The following CHRNB2 variants were observed in gnomAD, a reference collection of about 807,000 sequenced individuals.
The protein encoded by CHRNB2 is neuronal acetylcholine receptor subunit beta-2.
Under a neutral mutation model 42.7 loss-of-function variants are expected in CHRNB2, and 33 were observed. That is an observed-to-expected ratio of 0.77 (90% CI 0.59 to 1.03). The LOEUF is 1.03. Among genes scored for constraint, CHRNB2 ranks in the 50% least tolerant of loss-of-function variants. The pLI is 0.00. For missense variants in CHRNB2, 603 were observed against 700.9 expected (o/e 0.86, Z 1.58); for synonymous variants, 325 against 292.9 (o/e 1.11, Z -1.12).
In CHRNB2 at chr1:154,572,003, G is replaced by A. The variant is rs1557852162; in HGVS notation, c.1180G>A (p.Ala394Thr). The A allele has an allele frequency of 7.2e-6, 11 of 1,535,224 alleles. No homozygotes were observed. Among genetic ancestry groups the A allele is most frequent in the Non-Finnish European group, 8.7e-6 (10 of 1,145,558 alleles). Residue 394 changes from alanine (A) to threonine (T), a missense_variant, in exon 5 of 6, where the codon GCG becomes ACG. Physicochemically the swap from Ala to Thr is moderately conservative, Grantham distance 58. Around this residue, in one of 2 missense-constraint regions of CHRNB2, gnomAD observed 270 missense variants for 248.3 expected, o/e 1.09. Transcript: ENST00000368476. ...CTCCTGCACGTGCTTCGTCAACCGC[G>A]CGTCGGTGCAGGGGTTGGCCGGGGC... ...ADSCTCFVNR[A>T]SVQGLAGAFG...
At chr1:154,573,079 C>T (rs894738330) in intron 5 of CHRNB2, among the ~76,000 whole-genome samples, 14 of 152,136 alleles carry the variant, frequency 9.2e-5, no homozygotes. Context: ...TGAAGAAGGG[C>T]ACTGCGGTGT....
At chr1:154,569,731 G>A (rs1019339744) in intron 2 of CHRNB2, 61 bp from the exon 3 acceptor site, 64 of 1,613,016 alleles carry the variant, frequency 4.0e-5, no homozygotes, top group Non-Finnish European at 5.3e-5. Context: ...GGGACCCTGG[G>A]TGGTGGCAGT....
Position 154,568,014 on chromosome 1 carries a change from T to C in CHRNB2, c.-31T>C. Reference sequence around the variant, plus strand: ...CCCCCCGGCGGCGCGCTCCAGCCGGTGTAGGCGAGGCAGCGAGCTATGCCC... The same window carrying C: ...CCCCCCGGCGGCGCGCTCCAGCCGGCGTAGGCGAGGCAGCGAGCTATGCCC... On this transcript the variant is annotated 5_prime_UTR_variant, in exon 1 of 6. Transcript: ENST00000368476. 3 of 1,544,904 alleles carry C rather than the reference T, an allele frequency of 1.9e-6. No homozygotes were observed. Among genetic ancestry groups the C allele is most frequent in the Non-Finnish European group, 2.6e-6 (3 of 1,149,960 alleles).
chr1:154,568,183 C>A lies in CHRNB2; in HGVS notation c.64+75C>A, dbSNP rs968227414. On this transcript the variant is annotated intron_variant, in intron 1 of 5. Coordinates refer to ENST00000368476, the MANE Select transcript of CHRNB2 (RefSeq NM_000748.3). ...CCAAGACTCGCCGCCCTCTGACTCA[C>A]CCCTGCTAGGCCGGAAGGTGGAAGA... 5.3e-6 allele frequency: 8 copies of A among 1,495,702 alleles called. No individual in the cohort carries two copies. In the Middle Eastern group the frequency reaches 8.5e-4, roughly 159 times the overall value. 92.7% of individuals were successfully genotyped at this position (1,495,702 alleles called of 1,614,324 possible).
chr1:154,575,703 C>G (rs919548487), intron 5 of CHRNB2, 59 bp from the exon 6 acceptor site: 1 of 1,575,556 alleles, frequency 6.3e-7, no homozygotes, highest in African/African-American at 1.4e-5. Context: ...CCCGCTTATA[C>G]TCGTTTGTCT....
rs1196791623 is a variant in CHRNB2 at position 154,577,628 on chromosome 1, C to A, written c.*1696C>A. ...CATGAATGTTGAGTCTGACAGGCAA[C>A]TGGAGCTGGTGAGAATGGGGTCCCC... On this transcript the variant is annotated 3_prime_UTR_variant, in exon 6 of 6. Transcript: ENST00000368476. The A allele has an allele frequency of 6.6e-6, 1 of 152,402 alleles. No homozygotes were observed. Among genetic ancestry groups the A allele is most frequent in the African/African-American group, 2.4e-5 (1 of 41,458 alleles). 9.4% of individuals were successfully genotyped at this position (152,402 alleles called of 1,614,324 possible).
chr1:154,571,480 T>C lies in CHRNB2; in HGVS notation c.657T>C (p.Ser219=). 6.2e-7 allele frequency: 1 copy of C among 1,614,056 alleles called. No homozygotes were observed. The highest frequency in any genetic ancestry group is 8.5e-7 in the Non-Finnish European group (1 of 1,180,010). The change falls in exon 5 of 6, where the codon TCT becomes TCC. Residue 219 remains serine (S), a synonymous_variant. Coordinates refer to ENST00000368476, the MANE Select transcript of CHRNB2 (RefSeq NM_000748.3). The surrounding 1 kb of genome is among the most constrained non-coding windows in gnomAD (Gnocchi z 6.8). ...PGRRNENPDD[S]TYVDITYDFI... ...GGCGCAACGAGAACCCCGACGACTC[T>C]ACGTACGTGGACATCACGTATGACT...
rs1696330172 is a variant in CHRNB2, at chr1:154,578,665, G to C, written c.*2733G>C. The C allele has an allele frequency of 6.6e-6, 1 of 152,286 alleles. No homozygotes were observed. Among genetic ancestry groups the C allele is most frequent in the Non-Finnish European group, 1.5e-5 (1 of 68,082 alleles). 9.4% of individuals were successfully genotyped at this position (152,286 alleles called of 1,614,324 possible). On this transcript the variant is annotated 3_prime_UTR_variant, in exon 6 of 6. Coordinates refer to ENST00000368476, the MANE Select transcript of CHRNB2 (RefSeq NM_000748.3). Reference sequence around the variant, plus strand: ...GGTGGGAGAGTGTGAACCCTCAAGTGCACTGGGAAGCTTTGGGGAACCACA... The same window carrying C: ...GGTGGGAGAGTGTGAACCCTCAAGTCCACTGGGAAGCTTTGGGGAACCACA...
At position 154,576,323 on chromosome 1, in the gene CHRNB2, G is replaced by A; in HGVS notation, c.*391G>A. The A allele has an allele frequency of 2.9e-6, 1 of 348,806 alleles. No homozygotes were observed. Among genetic ancestry groups the A allele is most frequent in the South Asian group, 2.3e-5 (1 of 42,672 alleles). The allele number at this position is 348,806 out of a possible 1,614,324, so 21.6% of individuals were successfully genotyped here. On this transcript the variant is annotated 3_prime_UTR_variant, in exon 6 of 6. Coordinates refer to ENST00000368476, the MANE Select transcript of CHRNB2 (RefSeq NM_000748.3). ...AGAAGAGGGGTATAGGACAAGGGGT[G>A]GAAGGGCAGGAGCTCACACCGCACC...
At position 154,569,772 on chromosome 1, in the gene CHRNB2, G is replaced by C. The variant is rs768075022; in HGVS notation, c.211-20G>C. On this transcript the variant is annotated intron_variant, in intron 2 of 5. Transcript: ENST00000368476. ...CACAGGCTTAGGGGCCTTCTCGGCAGCCTCTCTTCCTCCCTGCAGCATGAG... is the reference window on the plus strand; with the variant it reads ...CACAGGCTTAGGGGCCTTCTCGGCACCCTCTCTTCCTCCCTGCAGCATGAG... The C allele has an allele frequency of 3.7e-6, 6 of 1,614,142 alleles. No homozygotes were observed. The Admixed American group carries it at 1.0e-4, about 27-fold the overall frequency.
At position 154,577,322 on chromosome 1, in the gene CHRNB2, C is replaced by T. The variant is rs1244067299; in HGVS notation, c.*1390C>T. On this transcript the variant is annotated 3_prime_UTR_variant, in exon 6 of 6. Transcript: ENST00000368476. ...CTGACCTGACACAAGCCATTTTGTC[C>T]CTAGAGCCCAGCTGGGACTCCTGCT... 3 of 152,236 alleles carry T rather than the reference C, an allele frequency of 2.0e-5. No individual in the cohort carries two copies. Among genetic ancestry groups the T allele is most frequent in the African/African-American group, 7.2e-5 (3 of 41,424 alleles). The allele number at this position is 152,236 out of a possible 1,614,324, so 9.4% of individuals were successfully genotyped here.
At position 154,571,735 on chromosome 1, in the gene CHRNB2, C is replaced by T. The variant is rs748080172; in HGVS notation, c.912C>T (p.Thr304=). The T allele has an allele frequency of 1.9e-6, 3 of 1,614,232 alleles. No individual in the cohort carries two copies. Among genetic ancestry groups the T allele is most frequent in the South Asian group, 2.2e-5 (2 of 91,092 alleles). ...VPLVGKYLMF[T]MVLVTFSIVT... is the part of the protein sequence containing the mutation. ...TCGTCGGCAAGTACCTCATGTTCAC[C>T]ATGGTGCTTGTCACCTTCTCCATCG... Residue 304 remains threonine (T), a synonymous_variant, in exon 5 of 6, where the codon ACC becomes ACT. Coordinates refer to ENST00000368476, the MANE Select transcript of CHRNB2 (RefSeq NM_000748.3). The surrounding 1 kb of genome is among the most constrained non-coding windows in gnomAD (Gnocchi z 6.8).
At chr1:154,570,022 A>T (rs1696133464) in intron 3 of CHRNB2, among the ~76,000 whole-genome samples, 186 bp downstream of exon 3, 1 of 152,190 alleles carries the variant, frequency 6.6e-6, no homozygotes, top group Non-Finnish European at 1.5e-5. Context: ...AAACTCTCCA[A>T]GATTCATTTT....
intron 1 of CHRNB2, among the ~76,000 whole-genome samples, chr1:154,568,726 G>A (rs910731257): frequency 6.6e-6 from 1 of 152,004 alleles, no homozygotes; most frequent in African/African-American, 2.4e-5. Flanking sequence ...AGAGGGGGAT[G>A]CAGTGTGCCG....
At chr1:154,575,628 G>A (rs1696256995) in intron 5 of CHRNB2, 134 bp from the exon 6 acceptor site, 1 of 963,712 alleles carries the variant, frequency 1.0e-6, no homozygotes, top group Admixed American at 1.8e-5. Flanking sequence ...TCAGAGCCAT[G>A]CTTTAACAAG....
rs1204491118 is a variant in CHRNB2 at position 154,576,248 on chromosome 1, G to A, written c.*316G>A. The A allele has an allele frequency of 4.6e-6, 2 of 432,512 alleles. No individual in the cohort carries two copies. Among genetic ancestry groups the A allele is most frequent in the African/African-American group, 2.0e-5 (1 of 49,562 alleles). The allele number at this position is 432,512 out of a possible 1,614,324, so 26.8% of individuals were successfully genotyped here. ...AGCCATCCACCCTGAGGAGTGATGGGCAAGGGGCCAGGAAGGGGACAGGAT... is the reference window on the plus strand; with the variant it reads ...AGCCATCCACCCTGAGGAGTGATGGACAAGGGGCCAGGAAGGGGACAGGAT... On this transcript the variant is annotated 3_prime_UTR_variant, in exon 6 of 6. Coordinates refer to ENST00000368476, the MANE Select transcript of CHRNB2 (RefSeq NM_000748.3).
rs1696267014 is a variant in CHRNB2, at chr1:154,576,019, G to A, written c.*87G>A. ...TGGAGGATGGACGAGTGAGCTACCA[G>A]GAAGAGGGGCGCTGCCCCCACAGAT... is the stretch of plus-strand genomic sequence containing the variant. On this transcript the variant is annotated 3_prime_UTR_variant, in exon 6 of 6. Transcript: ENST00000368476. 1 of 1,543,126 alleles carries A rather than the reference G, an allele frequency of 6.5e-7. No individual in the cohort carries two copies. Among genetic ancestry groups the A allele is most frequent in the African/African-American group, 1.4e-5 (1 of 73,462 alleles).
At chr1:154,572,198 T>G (rs1363887005) in intron 5 of CHRNB2, 37 bp downstream of exon 5, 1 of 1,534,576 alleles carries the variant, frequency 6.5e-7, no homozygotes, top group Non-Finnish European at 8.7e-7. Flanking sequence ...GCGTGAGATA[T>G]GGGGTCTGCC....
At chr1:154,574,094 G>T (rs1696226347) in intron 5 of CHRNB2, among the ~76,000 whole-genome samples, 1 of 152,130 alleles carries the variant, frequency 6.6e-6, no homozygotes, top group South Asian at 2.1e-4. Flanking sequence ...CGTGGCCTCA[G>T]GACCTTTGCA....
Sources: allele counts gnomAD v4.1 joint callset (sites outside exome capture counted in the v4.1 genomes callset), GRCh38; gene constraint gnomAD v4.1.1; regional missense constraint gnomAD v4.1.1; non-coding constraint Gnocchi (gnomAD v3.1); transcripts MANE v1.5; gene names NCBI Gene and HGNC (gene_info 2026-07-23, HGNC 2026-07-21).